PRICKLE3: variants seen among roughly 807,000 people sequenced by gnomAD.
PRICKLE3 encodes LIM domain only protein 6.
In PRICKLE3, 17 loss-of-function variants were observed where a neutral mutation model predicts 33.8. The ratio of observed to expected loss-of-function variants is 0.50; its 90% confidence interval spans 0.34 to 0.75. The LOEUF (loss-of-function observed/expected upper bound fraction) is 0.75, where lower values mean the gene tolerates loss of function less well. PRICKLE3 is among the 30% of genes least tolerant of loss of function. PRICKLE3 has a pLI of 0.01. For missense variants in PRICKLE3, 573 were observed against 576.7 expected, an observed-to-expected ratio of 0.99 and a Z score of 0.07; for synonymous variants, 211 against 219.6, an observed-to-expected ratio of 0.96 and a Z score of 0.34.
At chrX:49,181,010 A>G (rs1331192399) in intron 3 of PRICKLE3, among the ~76,000 whole-genome samples, 4 of 109,758 alleles carry the variant, frequency 3.6e-5, no homozygotes, top group African/African-American at 1.3e-4. Flanking sequence ...TAATCTACCT[A>G]TCCTCAGGGT....
intron 3 of PRICKLE3, 171 bp from the exon 4 acceptor site, chrX:49,179,977 A>G (rs1282510284): frequency 2.7e-6 from 1 of 373,445 alleles, no homozygotes; most frequent in Admixed American, 5.2e-5. Flanking sequence ...CCAGCTCCCA[A>G]ACACGCTGAG....
intron 7 of PRICKLE3, 59 bp from the exon 8 acceptor site, chrX:49,177,261 CT>C: frequency 9.6e-7 from 1 of 1,040,901 alleles, no homozygotes; most frequent in Non-Finnish European, 1.3e-6. Flanking sequence ...AACCCCACCC[CT>C]CGTGAACGAG....
In PRICKLE3 at chrX:49,177,027, C is replaced by G. The variant is rs929356597; in HGVS notation, c.1131G>C (p.Pro377=). The part of the protein sequence containing the change: ...SLGSEPTAPG[P]SRRSWSAGPV... ...GGCCGGCACTCCAGCTGCGGCGGCT[C>G]GGCCCTGGAGCTGTGGGCTCGGACC... Residue 377 remains proline, a synonymous_variant, in exon 8 of 9, where the codon CCG becomes CCC. Transcript: ENST00000599218. 5 of 1,207,773 alleles carry G rather than the reference C, an allele frequency of 4.1e-6. No individual in the cohort carries two copies. The highest frequency in any genetic ancestry group is 2.3e-4 in the Middle Eastern group (1 of 4,314).
intron 1 of PRICKLE3, among the ~76,000 whole-genome samples, chrX:49,185,772 G>A (rs1218343328): frequency 2.7e-5 from 3 of 109,202 alleles, no homozygotes; most frequent in Non-Finnish European, 5.7e-5. Flanking sequence ...GCGGTGGCGG[G>A]CGTCTGTAAT....
intron 1 of PRICKLE3, among the ~76,000 whole-genome samples, chrX:49,185,770 G>A (rs1300997353): frequency 9.2e-6 from 1 of 109,131 alleles, no homozygotes. Context: ...GCGCGGTGGC[G>A]GGCGTCTGTA....
chrX:49,181,950 A>AT (rs781960710), intron 3 of PRICKLE3, among the ~76,000 whole-genome samples: 334 of 94,073 alleles, frequency 3.6e-3, no homozygotes, highest in African/African-American at 5.9e-3. Context: ...CACCCAGCCT[A>AT]TTTTTTTTTT....
At chrX:49,179,600 G>T (rs2065438134) in intron 4 of PRICKLE3, 93 bp downstream of exon 4, 2 of 899,615 alleles carry the variant, frequency 2.2e-6, no homozygotes, top group African/African-American at 4.0e-5. Context: ...ACTCACCTCA[G>T]ATCAGCTCAC....
intron 8 of PRICKLE3, 95 bp from the exon 9 acceptor site, chrX:49,176,360 A>G (rs2053243954): frequency 1.6e-6 from 1 of 631,681 alleles, no homozygotes; most frequent in Admixed American, 4.4e-5. Flanking sequence ...TTCCTCCACT[A>G]AGACTGGGAA....
At position 49,176,175 on chromosome X, in the gene PRICKLE3, G is replaced by A. The variant is rs1557099987; in HGVS notation, c.1346C>T (p.Pro449Leu). The A allele has an allele frequency of 2.5e-6, 3 of 1,188,481 alleles. No individual in the cohort carries two copies. The highest frequency in any genetic ancestry group is 2.3e-5 in the Admixed American group (1 of 44,171). ...AGGCTGGCCGGGGGACTCTGGGGGC[G>A]GCTCGGGGACACTGCGGAGCCCCAG... ...PELGLRSVPEPPPESPGQPNL... is the reference protein window; with the variant it reads ...PELGLRSVPELPPESPGQPNL... The change falls in exon 9 of 9, where the codon CCG becomes CTG. Residue 449 changes from proline (P) to leucine (L), a missense_variant. Pro to Leu is a moderately conservative substitution (Grantham distance 98, BLOSUM62 -3). Transcript: ENST00000599218.
At chrX:49,182,667 C>A (rs2065462668) in intron 3 of PRICKLE3, among the ~76,000 whole-genome samples, 1 of 111,967 alleles carries the variant, frequency 8.9e-6, no homozygotes, top group Admixed American at 9.5e-5. Context: ...TTCTGGGCAC[C>A]CTATTTACAA....
chrX:49,184,473 G>T, intron 2 of PRICKLE3, 152 bp downstream of exon 2: 1 of 507,923 alleles, frequency 2.0e-6, no homozygotes, highest in Non-Finnish European at 3.1e-6. Context: ...GAGTCAGGGG[G>T]CGGGGCTCTG....
At chrX:49,177,873 G>T in intron 7 of PRICKLE3, 120 bp downstream of exon 7, 1 of 840,349 alleles carries the variant, frequency 1.2e-6, no homozygotes, top group Non-Finnish European at 1.6e-6. Context: ...TGTTGGGGCT[G>T]GACAAAGTAC....
At chrX:49,179,593 C>T (rs1569526316) in intron 4 of PRICKLE3, 100 bp downstream of exon 4, 2 of 873,600 alleles carry the variant, frequency 2.3e-6, no homozygotes, top group African/African-American at 2.0e-5. Flanking sequence ...CTGGACCACT[C>T]ACCTCAGATC....
chrX:49,184,047 T>A, intron 2 of PRICKLE3, 130 bp from the exon 3 acceptor site: 1 of 868,777 alleles, frequency 1.2e-6, no homozygotes. Flanking sequence ...GGGACAGGGA[T>A]CTGGGCCTGG....
At chrX:49,183,606 A>C (rs1370033581) in intron 3 of PRICKLE3, 128 bp downstream of exon 3, 2 of 1,135,872 alleles carry the variant, frequency 1.8e-6, no homozygotes, top group African/African-American at 3.7e-5. Context: ...GGCCAGAAGG[A>C]CCCTCGGTCT....
At chrX:49,182,367 T>C (rs2065461235) in intron 3 of PRICKLE3, among the ~76,000 whole-genome samples, 1 of 111,798 alleles carries the variant, frequency 8.9e-6, no homozygotes, top group East Asian at 2.8e-4. Context: ...GGCTGTCTTC[T>C]GCTGACAACC....
At chrX:49,179,628 T>C in intron 4 of PRICKLE3, 65 bp downstream of exon 4, 2 of 963,630 alleles carry the variant, frequency 2.1e-6, no homozygotes, top group Non-Finnish European at 2.9e-6. Context: ...CCTCTGACCC[T>C]GCCCTGCATT....
rs200802226 is a variant in PRICKLE3 at position 49,175,635 on chromosome X, T to C, written c.*38A>G. On this transcript the variant is annotated 3_prime_UTR_variant, in exon 9 of 9. Transcript: ENST00000599218. Reference sequence around the variant, plus strand: ...GGGGCATGGGCCTCATCATCTACTCTGACTGGAGAATGGAGCCCCCTCCAG... The same window carrying C: ...GGGGCATGGGCCTCATCATCTACTCCGACTGGAGAATGGAGCCCCCTCCAG... 1.7e-6 allele frequency: 2 copies of C among 1,142,869 alleles called. No homozygotes were observed. Among genetic ancestry groups the C allele is most frequent in the East Asian group, 6.0e-5 (2 of 33,334 alleles). 94.2% of individuals were successfully genotyped at this position (1,142,869 alleles called of 1,213,427 possible). A position where few individuals can be genotyped will look rare whatever the true frequency, so the allele number is the denominator to read the frequency against.
Position 49,178,401 on chromosome X carries a change from T to C in PRICKLE3, c.639A>G (p.Pro213=). The C allele has an allele frequency of 3.3e-6, 4 of 1,211,975 alleles. No individual in the cohort carries two copies. Among genetic ancestry groups the C allele is most frequent in the Non-Finnish European group, 4.5e-6 (4 of 895,365 alleles). Reference sequence around the variant, plus strand: ...GGCACGTGGTACACACGAAGCACTGTGGGTGCCAGCAGGCACCCAGGCCTG... The same window carrying C: ...GGCACGTGGTACACACGAAGCACTGCGGGTGCCAGCAGGCACCCAGGCCTG... ...SRAGLGACWH[P]QCFVCTTCQE... The change falls in exon 6 of 9, where the codon CCA becomes CCG. Residue 213 remains proline (P), a synonymous_variant. Coordinates refer to ENST00000599218, the MANE Select transcript of PRICKLE3 (RefSeq NM_006150.5).
Sources: gnomAD v4.1 joint callset for allele counts (sites outside exome capture counted in the v4.1 genomes callset) on GRCh38, gnomAD v4.1.1 for gene constraint, MANE v1.5 for transcripts, NCBI Gene and HGNC (gene_info 2026-07-23, HGNC 2026-07-21) for gene names.